Variants in P4HA3 observed in about 807,000 individuals in gnomAD.
P4HA3 encodes prolyl 4-hydroxylase subunit alpha-3.
In P4HA3, 60 loss-of-function variants were observed where a neutral mutation model predicts 66.7. That is an observed-to-expected ratio of 0.90 (90% CI 0.73 to 1.12). The LOEUF (loss-of-function observed/expected upper bound fraction) is 1.12. P4HA3 is among the 50% of genes most tolerant of loss of function. The pLI is 0.00. For missense variants in P4HA3, 683 were observed against 685.8 expected (o/e 1.00, Z 0.05); for synonymous variants, 263 against 274.6 (o/e 0.96, Z 0.42).
At chr11:74,251,525 C>G in intron 15 of P4HA3, 1 of 1,481,692 alleles carries the variant, frequency 6.7e-7, no homozygotes, top group Non-Finnish European at 8.9e-7. Context: ...AATTTCAAGC[C>G]ACTCAGACCT....
At chr11:74,292,165 T>A (rs1263562644) in intron 4 of P4HA3, among the ~76,000 whole-genome samples, 2 of 152,232 alleles carry the variant, frequency 1.3e-5, no homozygotes, top group Non-Finnish European at 2.9e-5. Context: ...CTTCCTGGTT[T>A]AGTCTTGGGA....
chr11:74,253,363 C>T, intron 15 of P4HA3: 1 of 897,870 alleles, frequency 1.1e-6, no homozygotes, highest in Non-Finnish European at 1.8e-6. Flanking sequence ...CTGGTCAGGG[C>T]TGTGAAATGG....
chr11:74,279,694 A>G (rs1432228993), intron 7 of P4HA3, among the ~76,000 whole-genome samples: 1 of 152,230 alleles, frequency 6.6e-6, no homozygotes, highest in Non-Finnish European at 1.5e-5. Flanking sequence ...TCTAGTCGAC[A>G]GTAAGCACTC....
chr11:74,264,506 T>C (rs1020466601), downstream of P4HA3, among the ~76,000 whole-genome samples: 1 of 152,092 alleles, frequency 6.6e-6, no homozygotes, highest in Non-Finnish European at 1.5e-5. Flanking sequence ...ATGTCTCCAC[T>C]CGTGGCCACA....
At position 74,291,195 on chromosome 11, in the gene P4HA3, CT is replaced by C. The variant is rs1245748394; in HGVS notation, c.718-2066del. On this transcript the variant is annotated intron_variant, in intron 4 of 12. Coordinates refer to ENST00000331597, the MANE Select transcript of P4HA3 (RefSeq NM_182904.5). ...AAGTTGGATTCCTAGGTATTTTATTCTCTTTGAAGCAATTGTGAATGGGAGT... is the reference window on the plus strand; with the variant it reads ...AAGTTGGATTCCTAGGTATTTTATTCCTTTGAAGCAATTGTGAATGGGAGT... Among the ~76,000 whole-genome samples the C allele has an allele frequency of 8.5e-5, 13 of 152,184 alleles. 1 individual carries two copies. Among genetic ancestry groups the C allele is most frequent in the African/African-American group, 3.1e-4 (13 of 41,512 alleles).
intron 4 of P4HA3, among the ~76,000 whole-genome samples, chr11:74,296,740 C>T (rs1455683404): frequency 6.6e-6 from 1 of 152,064 alleles, no homozygotes; most frequent in African/African-American, 2.4e-5. Flanking sequence ...TTTGAAACTC[C>T]GTCTTTCAGG....
intron 1 of P4HA3, among the ~76,000 whole-genome samples, chr11:74,308,034 A>G (rs1861623392): frequency 6.6e-6 from 1 of 152,188 alleles, no homozygotes; most frequent in Admixed American, 6.5e-5. Context: ...GCATATAACT[A>G]TATATACTAT....
chr11:74,301,085 G>C (rs907255098), intron 3 of P4HA3, among the ~76,000 whole-genome samples: 2 of 152,172 alleles, frequency 1.3e-5, no homozygotes, highest in African/African-American at 2.4e-5. Context: ...AGAAGGGATG[G>C]GGGGTGGCGA....
At chr11:74,282,829 C>T (rs1860652647) in intron 7 of P4HA3, among the ~76,000 whole-genome samples, 1 of 152,072 alleles carries the variant, frequency 6.6e-6, no homozygotes, top group South Asian at 2.1e-4. Flanking sequence ...TACCAAACAA[C>T]CAGTGAGAAA....
intron 7 of P4HA3, among the ~76,000 whole-genome samples, chr11:74,280,952 G>A (rs1860571381): frequency 6.6e-6 from 1 of 152,082 alleles, no homozygotes; most frequent in Non-Finnish European, 1.5e-5. Flanking sequence ...CCTACAAAAT[G>A]GGAGAAAATT....
intron 15 of P4HA3, chr11:74,252,641 T>G (rs1859732488): frequency 4.8e-6 from 2 of 413,864 alleles, no homozygotes; most frequent in African/African-American, 4.1e-5. Context: ...TGTAGGATGC[T>G]TAGCAGTATC....
intron 5 of P4HA3, 127 bp downstream of exon 5, chr11:74,288,948 CAAAA>C (rs36086552): frequency 1.3e-3 from 473 of 361,390 alleles, no homozygotes; most frequent in Middle Eastern, 1.5e-3. Flanking sequence ...GATGCCATCT[CAAAA>C]AAAAAAAAAA....
intron 9 of P4HA3, among the ~76,000 whole-genome samples, chr11:74,274,080 T>A (rs1197790540): frequency 6.6e-6 from 1 of 152,096 alleles, no homozygotes; most frequent in African/African-American, 2.4e-5. Flanking sequence ...TACTGTTCAA[T>A]GAGTTTTCCC....
chr11:74,284,496 T>C (rs1012524031), intron 7 of P4HA3, among the ~76,000 whole-genome samples: 6 of 152,338 alleles, frequency 3.9e-5, no homozygotes, highest in African/African-American at 1.2e-4. Flanking sequence ...GTGGGATGGC[T>C]TCAATCAAAA....
At chr11:74,306,076 C>T (rs760854569) in intron 1 of P4HA3, among the ~76,000 whole-genome samples, 1 of 151,952 alleles carries the variant, frequency 6.6e-6, no homozygotes, top group Non-Finnish European at 1.5e-5. Context: ...GAGGAGGCCA[C>T]TTCAAAACTG....
chr11:74,303,356 G>A (rs986804056), intron 2 of P4HA3, among the ~76,000 whole-genome samples: 3 of 149,472 alleles, frequency 2.0e-5, no homozygotes, highest in African/African-American at 5.0e-5. Flanking sequence ...GAGCAGTGGC[G>A]CAATCTCAGC....
downstream of P4HA3, chr11:74,266,589 G>A (rs2135700242): frequency 6.1e-6 from 1 of 164,554 alleles, no homozygotes; most frequent in East Asian, 1.8e-4. Context: ...GGATGTGGAG[G>A]GCCAACTGTA....
chr11:74,253,652 C>T, intron 15 of P4HA3: 1 of 891,406 alleles, frequency 1.1e-6, no homozygotes, highest in South Asian at 1.4e-5. Context: ...CCGAGATGTA[C>T]CAACCTTTTC....
At chr11:74,253,625 C>A in intron 15 of P4HA3, 2 of 1,201,002 alleles carry the variant, frequency 1.7e-6, no homozygotes, top group Non-Finnish European at 2.5e-6. Flanking sequence ...GACACTGGCT[C>A]CCGGTAGACG....
Sources: allele counts gnomAD v4.1 joint callset (sites outside exome capture counted in the v4.1 genomes callset), GRCh38; gene constraint gnomAD v4.1.1; transcripts MANE v1.5; gene names NCBI Gene and HGNC (gene_info 2026-07-23, HGNC 2026-07-21).